ZNF385D: variants seen among roughly 807,000 people sequenced by gnomAD.
The protein encoded by ZNF385D is zinc finger protein 385D.
Under a neutral mutation model 35.8 loss-of-function variants are expected in ZNF385D, and 15 were observed. The ratio of observed to expected loss-of-function variants is 0.42; its 90% CI spans 0.28 to 0.64. The LOEUF is 0.64. Among genes scored for constraint, ZNF385D ranks in the 30% least tolerant of loss-of-function variants. The pLI is 0.23. For synonymous variants in ZNF385D, 212 were observed against 186.8 expected, an observed-to-expected ratio of 1.13 and a Z score of -1.10; for missense variants, 474 against 494.6, an observed-to-expected ratio of 0.96 and a Z score of 0.39.
intron 2 of ZNF385D, among the ~76,000 whole-genome samples, chr3:22,272,237 A>G (rs1232079507): frequency 6.6e-6 from 1 of 152,068 alleles, no homozygotes. Flanking sequence ...CTTATCCTTT[A>G]AATGCATTTT....
At chr3:22,105,305 G>GT (rs1193408724) in intron 3 of ZNF385D, among the ~76,000 whole-genome samples, 1 of 148,644 alleles carries the variant, frequency 6.7e-6, no homozygotes, top group African/African-American at 2.5e-5. Flanking sequence ...ACTGCATATT[G>GT]CCTTTTTTTT....
chr3:21,702,839 C>T (rs1209952888), intron 1 of ZNF385D, among the ~76,000 whole-genome samples: 1 of 152,150 alleles, frequency 6.6e-6, no homozygotes, highest in East Asian at 1.9e-4. Context: ...GCTTCAGTTC[C>T]CAATGAGTTC....
chr3:22,286,135 G>C (rs557727525), intron 2 of ZNF385D, among the ~76,000 whole-genome samples: 1 of 152,072 alleles, frequency 6.6e-6, no homozygotes, highest in Non-Finnish European at 1.5e-5. Context: ...AATATGTACG[G>C]TACTTACAGC....
chr3:21,617,293 C>CA (rs1386534346), intron 2 of ZNF385D, among the ~76,000 whole-genome samples: 1 of 152,168 alleles, frequency 6.6e-6, no homozygotes, highest in African/African-American at 2.4e-5. Flanking sequence ...GGCAAGAACT[C>CA]AGAGTGTAAT....
intron 2 of ZNF385D, among the ~76,000 whole-genome samples, chr3:22,221,266 G>C (rs182278228): frequency 1.3e-5 from 2 of 152,108 alleles, no homozygotes; most frequent in African/African-American, 4.8e-5. Flanking sequence ...GAGAATATTA[G>C]AATCAACTTT....
chr3:21,903,835 C>T (rs1402341701), intron 3 of ZNF385D, among the ~76,000 whole-genome samples: 1 of 152,030 alleles, frequency 6.6e-6, no homozygotes, highest in African/African-American at 2.4e-5. Flanking sequence ...CTGTGAGAAA[C>T]TGGGGGTGAT....
chr3:21,659,762 A>G lies in ZNF385D; in HGVS notation c.165+5124T>C, dbSNP rs879790931. ...CTAACACATAGTAGGTATTCAATAAATATCTGTTGAATAAATTTTTAAAAA... is the reference window on the plus strand; with the variant it reads ...CTAACACATAGTAGGTATTCAATAAGTATCTGTTGAATAAATTTTTAAAAA... On this transcript the variant is annotated intron_variant, in intron 2 of 7. Transcript: ENST00000281523. 6.6e-5 allele frequency among the ~76,000 whole-genome samples: 10 copies of G among 152,088 alleles called. 1 individual carries two copies. In the East Asian group the frequency reaches 1.9e-3, roughly 29 times the overall value.
chr3:22,358,143 T>G (rs1249264800), intron 2 of ZNF385D, among the ~76,000 whole-genome samples: 1 of 151,818 alleles, frequency 6.6e-6, no homozygotes, highest in Non-Finnish European at 1.5e-5. Flanking sequence ...GTTCAAGAAG[T>G]AATACTGAAA....
chr3:22,127,718 A>G (rs1482769764), intron 3 of ZNF385D, among the ~76,000 whole-genome samples: 3 of 152,130 alleles, frequency 2.0e-5, no homozygotes. Flanking sequence ...ATTGATGACA[A>G]GTTAACTCTG....
At chr3:21,662,483 C>T (rs951894324) in intron 2 of ZNF385D, among the ~76,000 whole-genome samples, 7 of 152,172 alleles carry the variant, frequency 4.6e-5, no homozygotes, top group African/African-American at 9.7e-5. Flanking sequence ...GTAAAAATTA[C>T]GTTTTATACA....
intron 3 of ZNF385D, among the ~76,000 whole-genome samples, chr3:22,062,787 A>G (rs960417046): frequency 1.3e-5 from 2 of 152,218 alleles, no homozygotes; most frequent in Non-Finnish European, 2.9e-5. Context: ...GGAAGATGCC[A>G]GCTGCCATGC....
intron 5 of ZNF385D, among the ~76,000 whole-genome samples, chr3:21,432,423 A>T (rs1701335102): frequency 6.6e-6 from 1 of 152,154 alleles, no homozygotes; most frequent in Non-Finnish European, 1.5e-5. Flanking sequence ...GACATATAAG[A>T]CAAAAACTAG....
intron 3 of ZNF385D, among the ~76,000 whole-genome samples, chr3:21,922,879 A>G (rs1700541446): frequency 6.6e-6 from 1 of 152,188 alleles, no homozygotes; most frequent in Non-Finnish European, 1.5e-5. Context: ...TTCACAAGCT[A>G]CACATCTGAC....
chr3:21,851,386 A>C (rs1381944699), intron 3 of ZNF385D, among the ~76,000 whole-genome samples: 1 of 152,020 alleles, frequency 6.6e-6, no homozygotes, highest in Non-Finnish European at 1.5e-5. Flanking sequence ...ATATACACTC[A>C]ATATATGTCC....
rs954145763 is a variant in ZNF385D at position 22,243,521 on chromosome 3, T to C, written c.107-74486A>G. On this transcript the variant is annotated intron_variant, in intron 2 of 5. Coordinates refer to the ZNF385D transcript ENST00000494108. ...AAGATTTCTGAGCAAGGGAATAAGA[T>C]GCTAAATACTGTGTTTTGAAAGTGG... Among the ~76,000 whole-genome samples, 60 of 151,104 alleles carry C rather than the reference T, an allele frequency of 4.0e-4. 3 individuals are homozygous for C. Among genetic ancestry groups the C allele is most frequent in the African/African-American group, 1.4e-3 (57 of 40,838 alleles).
At chr3:22,124,397 C>T (rs1449521213) in intron 3 of ZNF385D, among the ~76,000 whole-genome samples, 2 of 152,092 alleles carry the variant, frequency 1.3e-5, no homozygotes, top group Non-Finnish European at 1.5e-5. Flanking sequence ...CATGGGAGTG[C>T]AGATATCTCT....
At chr3:21,543,102 C>T (rs2062235928) in intron 3 of ZNF385D, 1 of 152,316 alleles carries the variant, frequency 6.6e-6, no homozygotes, top group Non-Finnish European at 1.5e-5. Context: ...CACGTGAGGT[C>T]AGGAGTTTGA....
intron 4 of ZNF385D, among the ~76,000 whole-genome samples, chr3:21,463,482 G>C (rs1378497941): frequency 1.3e-5 from 2 of 152,174 alleles, no homozygotes; most frequent in Non-Finnish European, 2.9e-5. Flanking sequence ...TTGAGCCCCA[G>C]GTGGAGGCAC....
At chr3:22,167,205 C>T (rs1292326204) in intron 3 of ZNF385D, among the ~76,000 whole-genome samples, 1 of 152,176 alleles carries the variant, frequency 6.6e-6, no homozygotes, top group Admixed American at 6.5e-5. Context: ...TCTGATTGAT[C>T]CCCACCCTTT....
Sources: allele counts gnomAD v4.1 joint callset (sites outside exome capture counted in the v4.1 genomes callset), GRCh38; gene constraint gnomAD v4.1.1; transcripts MANE v1.5; gene names NCBI Gene and HGNC (gene_info 2026-07-23, HGNC 2026-07-21).